The following SYT1 variants were observed in gnomAD, a reference collection of about 807,000 sequenced individuals.
SYT1 encodes the protein synaptotagmin-1.
SYT1 carries 8 observed loss-of-function variants against 44.8 expected under a neutral mutation model. The observed-to-expected ratio is 0.18, with a 90% CI of 0.10 to 0.32. The LOEUF is 0.32. Ranked by LOEUF, SYT1 falls within the 10% of genes least tolerant of loss-of-function variation. The pLI, the probability that SYT1 is intolerant of heterozygous loss-of-function variation, is 1.00. For synonymous variants in SYT1, 154 were observed against 188.8 expected, an observed-to-expected ratio of 0.82 and a Z score of 1.51; for missense variants, 286 against 509.3, an observed-to-expected ratio of 0.56 and a Z score of 4.22.
At chr12:79,274,923 C>G (rs941868432) in intron 4 of SYT1, among the ~76,000 whole-genome samples, 1 of 152,206 alleles carries the variant, frequency 6.6e-6, no homozygotes, top group Non-Finnish European at 1.5e-5. Context: ...CTGTCACCCC[C>G]ATCAGAGCTG....
At chr12:79,162,715 G>A (rs943039366) in intron 3 of SYT1, among the ~76,000 whole-genome samples, 16 of 151,988 alleles carry the variant, frequency 1.1e-4, no homozygotes, top group African/African-American at 3.4e-4. Context: ...ATTAACTGCC[G>A]AGGTAAATCT....
intron 2 of SYT1, among the ~76,000 whole-genome samples, chr12:79,013,283 A>G (rs897123235): frequency 6.6e-6 from 1 of 152,050 alleles, no homozygotes; most frequent in African/African-American, 2.4e-5. Flanking sequence ...TAGGTATTTC[A>G]TAAGTATTTG....
intron 3 of SYT1, among the ~76,000 whole-genome samples, chr12:79,073,740 C>T (rs1485027296): frequency 4.6e-5 from 7 of 152,192 alleles, no homozygotes; most frequent in Non-Finnish European, 7.4e-5. Context: ...ATTACTTCTT[C>T]GACATTAATC....
intron 8 of SYT1, among the ~76,000 whole-genome samples, chr12:79,343,765 A>G (rs1397641650): frequency 5.9e-5 from 9 of 152,230 alleles, no homozygotes; most frequent in African/African-American, 1.9e-4. Context: ...AAACATATAA[A>G]TGAAACACAA....
At chr12:79,223,010 T>C (rs953349298) in intron 4 of SYT1, among the ~76,000 whole-genome samples, 6 of 152,204 alleles carry the variant, frequency 3.9e-5, no homozygotes, top group Admixed American at 3.9e-4. Flanking sequence ...AATGTCTTAT[T>C]CTGGTCTCAT....
intron 8 of SYT1, among the ~76,000 whole-genome samples, chr12:79,308,991 G>A (rs1171516611): frequency 6.6e-6 from 1 of 152,230 alleles, no homozygotes; most frequent in African/African-American, 2.4e-5. Context: ...AGTAGTATGA[G>A]TGCTGGCAGA....
chr12:79,347,443 T>C (rs1021828397), intron 8 of SYT1, among the ~76,000 whole-genome samples: 1 of 152,060 alleles, frequency 6.6e-6, no homozygotes, highest in Non-Finnish European at 1.5e-5. Context: ...AGCTCCAGAG[T>C]TCCCCATAGA....
intron 3 of SYT1, among the ~76,000 whole-genome samples, chr12:79,117,619 C>A (rs1228725994): frequency 7.4e-6 from 1 of 135,084 alleles, no homozygotes; most frequent in African/African-American, 2.8e-5. Context: ...TACCACAGGA[C>A]AGATCACAGG....
chr12:79,091,022 T>C (rs1877738687), intron 3 of SYT1, among the ~76,000 whole-genome samples: 1 of 151,990 alleles, frequency 6.6e-6, no homozygotes. Context: ...CCTTGTTTGC[T>C]TTATTAATAT....
chr12:79,112,910 T>C (rs893081572), intron 3 of SYT1, among the ~76,000 whole-genome samples: 1 of 152,020 alleles, frequency 6.6e-6, no homozygotes, highest in Non-Finnish European at 1.5e-5. Context: ...ACAGGTGACA[T>C]CTAAACTGGC....
chr12:78,969,837 T>C (rs575200702), intron 1 of SYT1, among the ~76,000 whole-genome samples: 4 of 152,272 alleles, frequency 2.6e-5, no homozygotes, highest in African/African-American at 9.6e-5. Context: ...CTGGATATAT[T>C]ATAGAAAATG....
In SYT1 at chr12:79,365,399, T is replaced by C. The variant is rs150051316; in HGVS notation, c.928+11780T>C. Among the ~76,000 whole-genome samples, 672 of 152,130 alleles carry C rather than the reference T, an allele frequency of 4.4e-3. 3 individuals are homozygous for C. Among genetic ancestry groups the C allele is most frequent in the African/African-American group, 0.014 (602 of 41,534 alleles). On this transcript the variant is annotated intron_variant, in intron 9 of 10. Transcript: ENST00000261205. ...TATGAGAAAAACTATATAAATTCAC[T>C]GAAAGACTTCAAATGAGACCTAAAT...
intron 2 of SYT1, among the ~76,000 whole-genome samples, chr12:79,026,667 T>TTACATATATA (rs1555190338): frequency 2.0e-5 from 2 of 102,280 alleles, no homozygotes; most frequent in Non-Finnish European, 3.9e-5. Context: ...CATATATATT[T>TTACATATATA]TATATATATA....
At chr12:79,393,762 C>T (rs775740519) in intron 9 of SYT1, 6 of 152,114 alleles carry the variant, frequency 3.9e-5, no homozygotes, top group South Asian at 2.1e-4. Context: ...TGCCTGTTCA[C>T]GCTGATGATA....
In SYT1 at chr12:78,944,284, A is replaced by AATGTTAGCGATTAGAG. The variant is rs1490208313; in HGVS notation, c.-216-33512_-216-33497dup. On this transcript the variant is annotated intron_variant, in intron 1 of 10. Coordinates refer to ENST00000261205, the MANE Select transcript of SYT1 (RefSeq NM_005639.3). ...CCATGTGTAGTACAGCAGTGGTGAT[A>AATGTTAGCGATTAGAG]ATGTTAGCGATTAGAGATATTAATT... Among the ~76,000 whole-genome samples the AATGTTAGCGATTAGAG allele has an allele frequency of 6.1e-5, 8 of 132,000 alleles. 1 individual carries two copies. Among genetic ancestry groups the AATGTTAGCGATTAGAG allele is most frequent in the Non-Finnish European group, 8.4e-5 (5 of 59,820 alleles). 86.6% of individuals were successfully genotyped at this position (132,000 alleles called of 152,430 possible).
chr12:78,957,588 A>T (rs1027756358), intron 1 of SYT1, among the ~76,000 whole-genome samples: 8 of 152,182 alleles, frequency 5.3e-5, no homozygotes, highest in Admixed American at 2.0e-4. Flanking sequence ...CTAGTAGGAG[A>T]GTAGAGCCAA....
chr12:79,027,720 T>A (rs1872617386), intron 2 of SYT1, among the ~76,000 whole-genome samples: 2 of 151,570 alleles, frequency 1.3e-5, no homozygotes, highest in Admixed American at 1.3e-4. Flanking sequence ...GATATTTTAA[T>A]GTGGAACAAT....
intron 9 of SYT1, among the ~76,000 whole-genome samples, chr12:79,375,479 G>C (rs1883957559): frequency 6.6e-6 from 1 of 152,190 alleles, no homozygotes; most frequent in Admixed American, 6.5e-5. Context: ...CCACTGCAGG[G>C]ATTTAAGCAG....
chr12:78,920,940 T>A (rs1876950832), intron 1 of SYT1, among the ~76,000 whole-genome samples: 1 of 151,910 alleles, frequency 6.6e-6, no homozygotes, highest in South Asian at 2.1e-4. Flanking sequence ...GCAGTCAGAC[T>A]TGAGTCCATA....
Sources: gnomAD v4.1 joint callset for allele counts (sites outside exome capture counted in the v4.1 genomes callset) on GRCh38, gnomAD v4.1.1 for gene constraint, MANE v1.5 for transcripts, NCBI Gene and HGNC (gene_info 2026-07-23, HGNC 2026-07-21) for gene names.